The following CDK19 variants were observed in gnomAD, a reference collection of about 807,000 sequenced individuals.
The protein encoded by CDK19 is cyclin dependent kinase 19.
Under a neutral mutation model 68.3 loss-of-function variants are expected in CDK19, and 20 were observed. The ratio of observed to expected loss-of-function variants is 0.29; its 90% CI spans 0.21 to 0.43. The LOEUF is 0.43. CDK19 is among the 20% of genes least tolerant of loss of function. The probability of loss-of-function intolerance (pLI) is 1.00; values close to 1 mark genes in which losing one functional copy is unlikely to be tolerated. For synonymous variants in CDK19, 221 were observed against 222.8 expected (o/e 0.99, Z 0.07); for missense variants, 339 against 623.5 (o/e 0.54, Z 4.86).
intron 12 of CDK19, among the ~76,000 whole-genome samples, chr6:110,619,629 A>G (rs2691194): frequency 0.53 from 79,391 of 151,106 alleles, 21,974 homozygotes; most frequent in East Asian, 0.88. Flanking sequence ...CCACCTTTAA[A>G]AGCTTATTAC....
chr6:110,738,129 T>C (rs1777384133), intron 2 of CDK19, among the ~76,000 whole-genome samples: 1 of 152,172 alleles, frequency 6.6e-6, no homozygotes, highest in Admixed American at 6.5e-5. Flanking sequence ...GTAAAATACT[T>C]GATTCACACA....
chr6:110,620,591 T>C (rs1222668677), intron 12 of CDK19, among the ~76,000 whole-genome samples: 2 of 152,214 alleles, frequency 1.3e-5, no homozygotes, highest in Non-Finnish European at 2.9e-5. Context: ...TCTTTTTATC[T>C]GAATAACAAA....
At position 110,762,566 on chromosome 6, in the gene CDK19, G is replaced by A. The variant is rs189763553; in HGVS notation, c.129-16365C>T. 1.7e-3 allele frequency among the ~76,000 whole-genome samples: 265 copies of A among 152,246 alleles called. 1 individual carries two copies. The highest frequency in any genetic ancestry group is 6.2e-3 in the African/African-American group (258 of 41,558). ...CCTTCATATTATCGTTTTTGCACCTGTAAATTAAGAATATTTACCTTATTC... is the reference window on the plus strand; with the variant it reads ...CCTTCATATTATCGTTTTTGCACCTATAAATTAAGAATATTTACCTTATTC... On this transcript the variant is annotated intron_variant, in intron 1 of 12. Coordinates refer to ENST00000368911, the MANE Select transcript of CDK19 (RefSeq NM_015076.5).
chr6:110,792,733 C>A (rs1274445517), intron 1 of CDK19, among the ~76,000 whole-genome samples: 1 of 152,178 alleles, frequency 6.6e-6, no homozygotes, highest in East Asian at 1.9e-4. Flanking sequence ...AAAATTCTAT[C>A]TTCCTGCTGA....
Position 110,733,699 on chromosome 6 carries a change from T to C in CDK19, c.204+12427A>G, listed in dbSNP as rs141709738. ...TATTAAATTATTTTAATATATTTTA[T>C]ATATATCGCTAAAACACAAAAAACA... On this transcript the variant is annotated intron_variant, in intron 2 of 12. Coordinates refer to ENST00000368911, the MANE Select transcript of CDK19 (RefSeq NM_015076.5). 2.9e-3 allele frequency among the ~76,000 whole-genome samples: 444 copies of C among 151,860 alleles called. 1 individual carries two copies. The highest frequency in any genetic ancestry group is 0.01 in the African/African-American group (418 of 41,490).
chr6:110,757,012 C>A (rs1027535171), intron 1 of CDK19, among the ~76,000 whole-genome samples: 3 of 152,076 alleles, frequency 2.0e-5, no homozygotes, highest in Non-Finnish European at 2.9e-5. Context: ...GAACACAGAA[C>A]CAAAGGGCTA....
Position 110,639,031 on chromosome 6 carries a change from T to C in CDK19, c.457-325A>G, listed in dbSNP as rs55811696. Among the ~76,000 whole-genome samples, 796 of 152,324 alleles carry C rather than the reference T, an allele frequency of 5.2e-3. 3 individuals carry two copies. Among genetic ancestry groups the C allele is most frequent in the Non-Finnish European group, 8.6e-3 (583 of 68,018 alleles). ...AATTTTTAAACCTGCACAGTTTATGTGCTTGAAAAATTTTATATAAAATTT... is the reference window on the plus strand; with the variant it reads ...AATTTTTAAACCTGCACAGTTTATGCGCTTGAAAAATTTTATATAAAATTT... On this transcript the variant is annotated intron_variant, in intron 4 of 12. Transcript: ENST00000368911.
At chr6:110,733,648 A>G (rs1776934407) in intron 2 of CDK19, among the ~76,000 whole-genome samples, 1 of 152,002 alleles carries the variant, frequency 6.6e-6, no homozygotes, top group Non-Finnish European at 1.5e-5. Flanking sequence ...GGTATAGTAT[A>G]TTTTTAAAAT....
At position 110,644,375 on chromosome 6, in the gene CDK19, G is replaced by T. The variant is rs553338040; in HGVS notation, c.457-5669C>A. On this transcript the variant is annotated intron_variant, in intron 4 of 12. Transcript: ENST00000368911. Reference sequence around the variant, plus strand: ...TACCAGAGGCGGGGAAGGGTAGTAGGGGCAGGAGAGAGGAGGAAGTGGGGC... The same window carrying T: ...TACCAGAGGCGGGGAAGGGTAGTAGTGGCAGGAGAGAGGAGGAAGTGGGGC... Among the ~76,000 whole-genome samples the T allele has an allele frequency of 2.0e-5, 3 of 152,144 alleles. No individual in the cohort carries two copies. In the East Asian group the frequency reaches 5.8e-4, roughly 29 times the overall value.
intron 1 of CDK19, among the ~76,000 whole-genome samples, chr6:110,790,903 G>A (rs1263950032): frequency 2.6e-5 from 4 of 152,212 alleles, no homozygotes; most frequent in African/African-American, 7.2e-5. Context: ...CGGGTGCGGT[G>A]GCTCACGCCT....
rs66478846 is a variant in CDK19, at chr6:110,812,812, T to TAAA, written c.128+2194_128+2196dup. ...CAAATCTGCCCACTGTTTAAAACAG[T>TAAA]AAAAAAAAAAAAAAAAAAAAATTTA... On this transcript the variant is annotated intron_variant, in intron 1 of 12. Transcript: ENST00000368911. Among the ~76,000 whole-genome samples, 161 of 101,608 alleles carry TAAA rather than the reference T, an allele frequency of 1.6e-3. 1 individual carries two copies. Among genetic ancestry groups the TAAA allele is most frequent in the African/African-American group, 4.9e-3 (142 of 28,710 alleles). 66.7% of individuals were successfully genotyped at this position (101,608 alleles called of 152,430 possible).
intron 6 of CDK19, among the ~76,000 whole-genome samples, chr6:110,627,691 T>A (rs1779177517): frequency 6.6e-6 from 1 of 152,100 alleles, no homozygotes; most frequent in Non-Finnish European, 1.5e-5. Flanking sequence ...TTTTAAAAAA[T>A]TGTTTTGTAG....
chr6:110,806,863 C>T (rs759316331), intron 1 of CDK19, among the ~76,000 whole-genome samples: 5 of 151,574 alleles, frequency 3.3e-5, no homozygotes, highest in Admixed American at 6.6e-5. Flanking sequence ...CTGTGGTCCC[C>T]GCTACTCAGG....
intron 12 of CDK19, among the ~76,000 whole-genome samples, chr6:110,619,492 T>C (rs1002366555): frequency 4.0e-5 from 6 of 151,692 alleles, no homozygotes; most frequent in African/African-American, 1.2e-4. Flanking sequence ...AGGGAAGTTT[T>C]ACAGGGTCGT....
intron 1 of CDK19, among the ~76,000 whole-genome samples, chr6:110,811,395 C>T (rs1327685587): frequency 6.6e-6 from 1 of 152,156 alleles, no homozygotes; most frequent in East Asian, 1.9e-4. Context: ...GCTGTGTCAG[C>T]CATGCAAGGC....
intron 4 of CDK19, among the ~76,000 whole-genome samples, chr6:110,651,742 T>G (rs1780986143): frequency 6.6e-6 from 1 of 152,216 alleles, no homozygotes; most frequent in Admixed American, 6.5e-5. Flanking sequence ...TCTTTCTCTA[T>G]TATTTGACAA....
intron 2 of CDK19, among the ~76,000 whole-genome samples, chr6:110,676,682 C>A (rs1282230447): frequency 6.6e-6 from 1 of 152,082 alleles, no homozygotes; most frequent in Non-Finnish European, 1.5e-5. Context: ...ATCATTAGCA[C>A]CTTTTAGCAA....
chr6:110,664,889 A>G (rs189251525), intron 4 of CDK19, among the ~76,000 whole-genome samples: 6 of 152,354 alleles, frequency 3.9e-5, no homozygotes, highest in Admixed American at 3.9e-4. Context: ...ATAGTATTTG[A>G]ATATGTTGAG....
chr6:110,655,809 G>A (rs1473533372), intron 4 of CDK19, among the ~76,000 whole-genome samples: 3 of 152,116 alleles, frequency 2.0e-5, no homozygotes, highest in African/African-American at 7.2e-5. Flanking sequence ...CCATAGCCCT[G>A]TCTGAGTGGT....
Sources: gnomAD v4.1 joint callset for allele counts (sites outside exome capture counted in the v4.1 genomes callset) on GRCh38, gnomAD v4.1.1 for gene constraint, MANE v1.5 for transcripts, NCBI Gene and HGNC (gene_info 2026-07-23, HGNC 2026-07-21) for gene names.